NTNG2: variants seen among roughly 807,000 people sequenced by gnomAD.
NTNG2 encodes netrin-G2.
In NTNG2, 15 loss-of-function variants were observed where a neutral mutation model predicts 47.6. The observed-to-expected ratio is 0.32, with a 90% confidence interval of 0.21 to 0.49. The LOEUF (loss-of-function observed/expected upper bound fraction) is 0.49, where lower values mean the gene tolerates loss of function less well. NTNG2 is among the 20% of genes least tolerant of loss of function. The probability of loss-of-function intolerance (pLI) is 0.99; values close to 1 mark genes in which losing one functional copy is unlikely to be tolerated. For missense variants in NTNG2, 578 were observed against 764.6 expected (o/e 0.76, Z 2.88); for synonymous variants, 307 against 324.6 (o/e 0.95, Z 0.58).
rs746785725 is a variant in NTNG2, at chr9:132,185,821, A to AGGGAGGAGGAGGAGGAGT, written c.214-12091_214-12074dup. Among the ~76,000 whole-genome samples the AGGGAGGAGGAGGAGGAGT allele has an allele frequency of 2.1e-3, 273 of 130,048 alleles. 6 individuals are homozygous for AGGGAGGAGGAGGAGGAGT. In the East Asian group the frequency reaches 0.021, roughly 10 times the overall value. The allele number at this position is 130,048 out of a possible 152,430, so 85.3% of individuals were successfully genotyped here. ...CGCCAGACTGAGCCCCTGTGTGTGC[A>AGGGAGGAGGAGGAGGAGT]GGGAGGAGGAGGAGGAGTGGGAGGA... is the stretch of plus-strand genomic sequence containing the variant. On this transcript the variant is annotated intron_variant, in intron 2 of 7. Transcript: ENST00000393229.
In NTNG2 at chr9:132,227,028, G is replaced by A; in HGVS notation, c.1030+7G>A. 3.8e-6 allele frequency: 6 copies of A among 1,588,810 alleles called. No homozygotes were observed. The highest frequency in any genetic ancestry group is 4.3e-6 in the Non-Finnish European group (5 of 1,168,098). On this transcript the variant is annotated splice_region_variant and intron_variant, in intron 4 of 7. Transcript: ENST00000393229. ...CATGGCTCTCCCAACGCCTGTACGT[G>A]CCATGCCCCGGGGCCACGAGCCCAC... is the stretch of plus-strand genomic sequence containing the variant.
intron 1 of NTNG2, among the ~76,000 whole-genome samples, chr9:132,165,587 G>A (rs1338376220): frequency 2.0e-5 from 3 of 152,208 alleles, no homozygotes; most frequent in African/African-American, 7.2e-5. Context: ...TGGCCAGCAC[G>A]TGGAGCACTC....
chr9:132,224,605 C>T (rs1012661650), intron 3 of NTNG2, among the ~76,000 whole-genome samples: 1 of 152,140 alleles, frequency 6.6e-6, no homozygotes, highest in Non-Finnish European at 1.5e-5. Flanking sequence ...ATAACAGGTG[C>T]CTGATAAATA....
intron 7 of NTNG2, chr9:132,241,318 A>T (rs1478385494): frequency 2.5e-6 from 1 of 400,860 alleles, no homozygotes. Flanking sequence ...GATGGGGCCG[A>T]CCCGGGGGCG....
intron 2 of NTNG2, 36 bp downstream of exon 2, chr9:132,167,080 C>T: frequency 6.2e-7 from 1 of 1,606,590 alleles, no homozygotes. Flanking sequence ...TTGCCCAGGC[C>T]AAGTGGGAGG....
At chr9:132,210,322 C>T (rs1419273123) in intron 3 of NTNG2, among the ~76,000 whole-genome samples, 1 of 152,090 alleles carries the variant, frequency 6.6e-6, no homozygotes, top group Non-Finnish European at 1.5e-5. Flanking sequence ...TCAGGAGGTG[C>T]CTGAGGAAGG....
At chr9:132,241,178 AGTGGGTGG>A in intron 7 of NTNG2, 134 bp downstream of exon 7, 1 of 452,210 alleles carries the variant, frequency 2.2e-6, no homozygotes, top group Non-Finnish European at 2.7e-6. Flanking sequence ...GGGCCGGGGA[AGTGGGTGG>A]GGCCTAGTGG....
At chr9:132,200,980 G>T (rs1838700899) in intron 3 of NTNG2, among the ~76,000 whole-genome samples, 1 of 152,256 alleles carries the variant, frequency 6.6e-6, no homozygotes, top group African/African-American at 2.4e-5. Flanking sequence ...GCAGCTCAGG[G>T]CTGGGAACCA....
chr9:132,196,467 C>T (rs1167770640), intron 2 of NTNG2, among the ~76,000 whole-genome samples: 1 of 152,214 alleles, frequency 6.6e-6, no homozygotes. Context: ...TGCTGGATTA[C>T]AGGTGTGAGC....
chr9:132,242,069 C>G lies in NTNG2; in HGVS notation c.1551C>G (p.Gly517=), dbSNP rs1239178019. The G allele has an allele frequency of 8.3e-7, 1 of 1,211,412 alleles. No homozygotes were observed. The highest frequency in any genetic ancestry group is 1.0e-6 in the Non-Finnish European group (1 of 977,432). The allele number at this position is 1,211,412 out of a possible 1,614,324, so 75.0% of individuals were successfully genotyped here. ...GAAPRPATLL[G]CLLLLGLAAR... ...CCCCGCGCCCCGCCACCCTGCTCGG[C>G]TGCCTGCTGCTGCTGGGGCTGGCCG... The change falls in exon 8 of 8, where the codon GGC becomes GGG. Residue 517 remains glycine (G), a synonymous_variant. Coordinates refer to ENST00000393229, the MANE Select transcript of NTNG2 (RefSeq NM_032536.4). This position sits in a 1 kb window ranked among gnomAD's most constrained non-coding sequence, Gnocchi z 5.9.
intron 3 of NTNG2, among the ~76,000 whole-genome samples, chr9:132,219,930 G>A (rs143352696): frequency 1.4e-3 from 207 of 152,306 alleles, no homozygotes; most frequent in Middle Eastern, 6.8e-3. Flanking sequence ...ACTTTCCAAA[G>A]CAGCTGCACA....
chr9:132,176,951 G>T (rs899838867), intron 2 of NTNG2, among the ~76,000 whole-genome samples: 1 of 152,170 alleles, frequency 6.6e-6, no homozygotes, highest in Admixed American at 6.5e-5. Flanking sequence ...GATAGCTAAT[G>T]ATGTCAGTGT....
At chr9:132,196,080 A>G (rs1182338514) in intron 2 of NTNG2, among the ~76,000 whole-genome samples, 2 of 151,822 alleles carry the variant, frequency 1.3e-5, no homozygotes, top group Non-Finnish European at 2.9e-5. Context: ...ATGTCTGATG[A>G]ACCATTGTTG....
chr9:132,190,532 T>C (rs148844754), intron 2 of NTNG2, among the ~76,000 whole-genome samples: 2,513 of 152,268 alleles, frequency 0.017, 64 homozygotes, highest in African/African-American at 0.054. Context: ...CTCCACGGCC[T>C]CCTTAGTCAG....
chr9:132,235,260 C>T (rs889409204), intron 5 of NTNG2, among the ~76,000 whole-genome samples: 14 of 152,232 alleles, frequency 9.2e-5, no homozygotes, highest in Admixed American at 2.0e-4. Context: ...TGTCCCACTT[C>T]GCAGCCATTA....
intron 3 of NTNG2, among the ~76,000 whole-genome samples, chr9:132,216,806 C>G (rs1840027677): frequency 6.6e-6 from 1 of 152,140 alleles, no homozygotes; most frequent in African/African-American, 2.4e-5. Flanking sequence ...CCCAGACTGC[C>G]CGCCCAGGTC....
Position 132,242,042 on chromosome 9 carries a change from C to G in NTNG2, c.1524C>G (p.Ala508=). The G allele has an allele frequency of 7.8e-7, 1 of 1,275,320 alleles. No homozygotes were observed. Among genetic ancestry groups the G allele is most frequent in the Admixed American group, 4.2e-5 (1 of 23,846 alleles). The allele number at this position is 1,275,320 out of a possible 1,614,324, so 79.0% of individuals were successfully genotyped here. Residue 508 remains alanine, a synonymous_variant, in exon 8 of 8, where the codon GCC becomes GCG. Coordinates refer to ENST00000393229, the MANE Select transcript of NTNG2 (RefSeq NM_032536.4). The surrounding 1 kb of genome is among the most constrained non-coding windows in gnomAD (Gnocchi z 5.9). ...GGLDCDRAPG[A]APRPATLLGC... ...TGGACTGCGACCGCGCGCCCGGGGC[C>G]GCCCCGCGCCCCGCCACCCTGCTCG...
At chr9:132,194,454 AG>A (rs1838129300) in intron 2 of NTNG2, among the ~76,000 whole-genome samples, 1 of 152,188 alleles carries the variant, frequency 6.6e-6, no homozygotes, top group Non-Finnish European at 1.5e-5. Flanking sequence ...AGCACAGGAC[AG>A]GGTGTGTCTT....
At position 132,221,619 on chromosome 9, in the gene NTNG2, C is replaced by T. The variant is rs554375590; in HGVS notation, c.858-5230C>T. On this transcript the variant is annotated intron_variant, in intron 3 of 7. Coordinates refer to ENST00000393229, the MANE Select transcript of NTNG2 (RefSeq NM_032536.4). This position sits in a 1 kb window ranked among gnomAD's most constrained non-coding sequence, Gnocchi z 4.2. ...TGTGCTTGTTCTGGGGCTCAGCCAG[C>T]GAGTTGAAGAGGCCGGGACATCTTC... 1.3e-5 allele frequency among the ~76,000 whole-genome samples: 2 copies of T among 152,162 alleles called. No homozygotes were observed. The highest frequency in any genetic ancestry group is 4.8e-5 in the African/African-American group (2 of 41,444).
Sources: allele counts gnomAD v4.1 joint callset (sites outside exome capture counted in the v4.1 genomes callset), GRCh38; gene constraint gnomAD v4.1.1; non-coding constraint Gnocchi (gnomAD v3.1); transcripts MANE v1.5; gene names NCBI Gene and HGNC (gene_info 2026-07-23, HGNC 2026-07-21).